Variants in KLRF1 observed in about 807,000 individuals in gnomAD.
KLRF1 encodes the protein killer cell lectin like receptor F1, also known as killer cell lectin-like receptor subfamily F member 1.
Under a neutral mutation model 30.7 loss-of-function variants are expected in KLRF1, and 27 were observed. That is an observed-to-expected ratio of 0.88 (90% CI 0.65 to 1.21). KLRF1 has a LOEUF of 1.21. KLRF1 is among the 50% of genes most tolerant of loss of function. The pLI, the probability that KLRF1 is intolerant of heterozygous loss-of-function variation, is 0.00. For missense variants in KLRF1, 246 were observed against 259.3 expected (o/e 0.95, Z 0.35); for synonymous variants, 92 against 89.3 (o/e 1.03, Z -0.17).
In KLRF1 at chr12:9,827,620, AC is replaced by A; in HGVS notation, c.77del (p.Thr26AsnfsTer7). On this transcript the variant is annotated frameshift_variant, in exon 1 of 6. Coordinates refer to ENST00000617889, the MANE Select transcript of KLRF1 (RefSeq NM_016523.3). LOFTEE classifies it high-confidence loss of function. ...KRSSAQTSQL[T>X]FKDYSVTLHW... ...GAGTTCTGCCCAAACATCTCAACTT[AC>A]ATTTAAAGGTATGGAATTTAATTTC... is the stretch of plus-strand genomic sequence containing the variant. The A allele has an allele frequency of 2.5e-6, 4 of 1,591,130 alleles. No individual in the cohort carries two copies. Among genetic ancestry groups the A allele is most frequent in the Non-Finnish European group, 2.6e-6 (3 of 1,161,004 alleles).
chr12:9,843,597 C>T (rs770934411), intron 5 of KLRF1, among the ~76,000 whole-genome samples: 2 of 152,118 alleles, frequency 1.3e-5, no homozygotes. Context: ...TGTCACTGAA[C>T]GTCATGAAGT....
At chr12:9,842,502 A>G in intron 5 of KLRF1, 69 bp downstream of exon 5, 1 of 1,421,460 alleles carries the variant, frequency 7.0e-7, no homozygotes, top group Non-Finnish European at 9.7e-7. Context: ...AGGTTCACCA[A>G]ATTCAACTCT....
upstream of KLRF1, among the ~76,000 whole-genome samples, chr12:9,823,713 GA>G (rs372874302): frequency 0.096 from 13,576 of 140,786 alleles, 649 homozygotes; most frequent in African/African-American, 0.12. Flanking sequence ...TGGTTTTTTG[GA>G]AAAAAAAAAA....
chr12:9,818,822 G>A, the KLRF1 span, among the ~76,000 whole-genome samples: 22 of 152,250 alleles, frequency 1.4e-4, no homozygotes, highest in African/African-American at 5.3e-4. Context: ...AGCAAGTGCA[G>A]GTAGCCAACT....
upstream of KLRF1, among the ~76,000 whole-genome samples, chr12:9,824,492 T>C (rs183798428): frequency 6.6e-6 from 1 of 152,210 alleles, no homozygotes; most frequent in East Asian, 1.9e-4. Context: ...CCAGCTGTAA[T>C]AAGCCCACAG....
chr12:9,810,532 C>G, the KLRF1 span, among the ~76,000 whole-genome samples: 4 of 152,142 alleles, frequency 2.6e-5, no homozygotes, highest in Admixed American at 2.0e-4. Flanking sequence ...CAAACAGTGT[C>G]TGACATGTAA....
the KLRF1 span, among the ~76,000 whole-genome samples, chr12:9,810,859 T>C: frequency 6.6e-6 from 1 of 152,234 alleles, no homozygotes; most frequent in South Asian, 2.1e-4. Flanking sequence ...AAAGAACTTC[T>C]CTTTTACCTT....
chr12:9,812,069 T>TA, the KLRF1 span, among the ~76,000 whole-genome samples: 16 of 152,236 alleles, frequency 1.1e-4, no homozygotes, highest in East Asian at 2.7e-3. Context: ...AAAGAATGTT[T>TA]ATAAGATTGG....
chr12:9,826,390 A>C (rs377087010), upstream of KLRF1, among the ~76,000 whole-genome samples: 2 of 152,156 alleles, frequency 1.3e-5, no homozygotes, highest in African/African-American at 4.8e-5. Context: ...ACAGATGCTG[A>C]TGAGGTAGTG....
chr12:9,825,835 C>T (rs909221601), upstream of KLRF1, among the ~76,000 whole-genome samples: 1 of 152,200 alleles, frequency 6.6e-6, no homozygotes, highest in East Asian at 1.9e-4. Flanking sequence ...AAAAAATAAA[C>T]AACCCCATTA....
chr12:9,827,962 A>G (rs920869367), intron 1 of KLRF1, among the ~76,000 whole-genome samples: 4 of 152,182 alleles, frequency 2.6e-5, no homozygotes, highest in Non-Finnish European at 4.4e-5. Flanking sequence ...TGTCTGATAT[A>G]ATTTCTTAAG....
the KLRF1 span, chr12:9,817,691 C>T: frequency 4.1e-6 from 1 of 244,730 alleles, no homozygotes; most frequent in South Asian, 5.3e-5. Context: ...TCAGTGGCTC[C>T]ACTATATTTT....
chr12:9,806,460 C>T, the KLRF1 span, among the ~76,000 whole-genome samples: 1 of 152,148 alleles, frequency 6.6e-6, no homozygotes, highest in Non-Finnish European at 1.5e-5. Flanking sequence ...ACTGGCTCTG[C>T]ATTTGGTATC....
At chr12:9,802,421 C>T in the KLRF1 span, among the ~76,000 whole-genome samples, 8 of 152,000 alleles carry the variant, frequency 5.3e-5, no homozygotes, top group East Asian at 1.9e-4. Flanking sequence ...CTTTGAAAAC[C>T]GGCACAAGAC....
the KLRF1 span, among the ~76,000 whole-genome samples, chr12:9,812,662 G>A: frequency 0.014 from 2,157 of 152,174 alleles, 22 homozygotes; most frequent in Non-Finnish European, 0.021. Flanking sequence ...TTGTTTGTCT[G>A]TTTCTGTTAT....
chr12:9,836,392 C>G (rs1867578134), intron 3 of KLRF1, among the ~76,000 whole-genome samples: 1 of 152,092 alleles, frequency 6.6e-6, no homozygotes, highest in Non-Finnish European at 1.5e-5. Context: ...CAAGCCATCA[C>G]AGCTGATATC....
At chr12:9,829,705 G>GCT (rs974811052) in intron 1 of KLRF1, among the ~76,000 whole-genome samples, 1 of 152,186 alleles carries the variant, frequency 6.6e-6, no homozygotes, top group Non-Finnish European at 1.5e-5. Context: ...GTTACAAAGA[G>GCT]CTCTAATGGT....
At chr12:9,805,209 A>C in the KLRF1 span, among the ~76,000 whole-genome samples, 3 of 151,954 alleles carry the variant, frequency 2.0e-5, no homozygotes, top group Non-Finnish European at 4.4e-5. Flanking sequence ...AAATAATAGA[A>C]ATTTATTTCT....
intron 3 of KLRF1, among the ~76,000 whole-genome samples, chr12:9,837,547 A>G (rs188082097): frequency 6.6e-6 from 1 of 152,236 alleles, no homozygotes; most frequent in East Asian, 1.9e-4. Context: ...CTGGCCTTCC[A>G]GATTTTCAGG....
Sources: allele counts gnomAD v4.1 joint callset (sites outside exome capture counted in the v4.1 genomes callset), GRCh38; gene constraint gnomAD v4.1.1; transcripts MANE v1.5; gene names NCBI Gene and HGNC (gene_info 2026-07-23, HGNC 2026-07-21).